The following PDE12 variants were observed in gnomAD, a reference collection of about 807,000 sequenced individuals.
PDE12 encodes the protein 2',5'-phosphodiesterase 12.
In PDE12, 26 loss-of-function variants were observed where a neutral mutation model predicts 45.4. The observed-to-expected ratio is 0.57, with a 90% confidence interval of 0.42 to 0.79. PDE12 has a LOEUF of 0.79. PDE12 is among the 30% of genes least tolerant of loss of function. The pLI is 0.00. For synonymous variants in PDE12, 283 were observed against 323.9 expected (o/e 0.87, Z 1.36); for missense variants, 668 against 790.0 (o/e 0.85, Z 1.85).
the PDE12 span, among the ~76,000 whole-genome samples, chr3:57,572,679 C>T: frequency 6.6e-6 from 1 of 151,434 alleles, no homozygotes; most frequent in African/African-American, 2.4e-5. Flanking sequence ...CCGTCTCAAT[C>T]AATCAAGCTA....
chr3:57,564,410 T>A lies in PDE12; in HGVS notation c.*4406T>A, dbSNP rs557890134. On this transcript the variant is annotated 3_prime_UTR_variant, in exon 3 of 3. Transcript: ENST00000311180. ...TTCACAGAAAACTGAATTATTCATC[T>A]CTATCTTCTGTCCAATTTATGTAAT... is the stretch of plus-strand genomic sequence containing the variant. 1 of 152,238 alleles carries A rather than the reference T, an allele frequency of 6.6e-6. No homozygotes were observed. Among genetic ancestry groups the A allele is most frequent in the Non-Finnish European group, 1.5e-5 (1 of 68,048 alleles). 9.4% of individuals were successfully genotyped at this position (152,238 alleles called of 1,614,324 possible).
the PDE12 span, among the ~76,000 whole-genome samples, chr3:57,611,544 A>T: frequency 6.7e-6 from 1 of 149,936 alleles, no homozygotes; most frequent in Non-Finnish European, 1.5e-5. Context: ...ACAGGAAAAA[A>T]ACAAACAACC....
the PDE12 span, chr3:57,575,719 A>G: frequency 7.1e-6 from 11 of 1,555,596 alleles, no homozygotes; most frequent in East Asian, 1.4e-4. Flanking sequence ...CCGGAATCCA[A>G]TTTTTGAAAA....
chr3:57,589,819 A>G, the PDE12 span, among the ~76,000 whole-genome samples: 1 of 151,334 alleles, frequency 6.6e-6, no homozygotes, highest in Non-Finnish European at 1.5e-5. Flanking sequence ...CCAGCCGGGC[A>G]CGGTGGCTCA....
At chr3:57,633,135 AT>A in the PDE12 span, 1 of 762,404 alleles carries the variant, frequency 1.3e-6, no homozygotes, top group Non-Finnish European at 2.1e-6. Context: ...AAAGGGGTTT[AT>A]TTTTAATCAC....
chr3:57,606,246 G>A, the PDE12 span, among the ~76,000 whole-genome samples: 5 of 152,258 alleles, frequency 3.3e-5, no homozygotes, highest in East Asian at 9.6e-4. Flanking sequence ...CAGAGAAAAA[G>A]AGACTTAGGA....
chr3:57,653,770 G>A, the PDE12 span, among the ~76,000 whole-genome samples: 2 of 147,146 alleles, frequency 1.4e-5, no homozygotes, highest in East Asian at 2.0e-4. Context: ...AAAAGGTAGC[G>A]TGCTCCAAAT....
the PDE12 span, chr3:57,645,633 C>T: frequency 1.3e-6 from 2 of 1,537,970 alleles, no homozygotes; most frequent in Middle Eastern, 1.9e-4. Context: ...AAGGTAATAC[C>T]TGGTCAATAG....
chr3:57,621,531 G>A, the PDE12 span, among the ~76,000 whole-genome samples: 9 of 151,736 alleles, frequency 5.9e-5, no homozygotes, highest in South Asian at 4.2e-4. Flanking sequence ...TTAGCCAGGC[G>A]TGGTGGTGCA....
At chr3:57,577,441 GAAACAGTGT>G in the PDE12 span, 1 of 1,440,216 alleles carries the variant, frequency 6.9e-7, no homozygotes, top group Non-Finnish European at 9.8e-7. Flanking sequence ...CTCTCTATAT[GAAACAGTGT>G]AGGCAGCAAA....
chr3:57,608,117 A>G, the PDE12 span, among the ~76,000 whole-genome samples: 8 of 152,178 alleles, frequency 5.3e-5, no homozygotes, highest in Non-Finnish European at 1.2e-4. Flanking sequence ...TCAACCCAGA[A>G]TTTCATATGC....
chr3:57,608,214 C>A, the PDE12 span, among the ~76,000 whole-genome samples: 360 of 152,218 alleles, frequency 2.4e-3, 1 homozygote, highest in Non-Finnish European at 3.6e-3. Context: ...ACCAGGCCTG[C>A]CCTACAAGAG....
the PDE12 span, chr3:57,584,595 A>G: frequency 9.2e-6 from 7 of 763,904 alleles, no homozygotes; most frequent in Admixed American, 8.1e-5. Context: ...TAGAAATGAA[A>G]TGACCTTATT....
chr3:57,594,194 G>A, the PDE12 span, among the ~76,000 whole-genome samples: 152,036 of 152,328 alleles, frequency 1, 75,873 homozygotes, highest in Non-Finnish European at 1. Flanking sequence ...ATTGCACTCT[G>A]GCCTGGGAGA....
the PDE12 span, chr3:57,625,987 T>C: frequency 5.2e-5 from 8 of 152,660 alleles, no homozygotes; most frequent in Non-Finnish European, 7.3e-5. Context: ...TATTAAAATA[T>C]ACCTTTTTGA....
downstream of PDE12, among the ~76,000 whole-genome samples, chr3:57,566,999 A>G (rs1032066416): frequency 1.3e-5 from 2 of 152,138 alleles, no homozygotes; most frequent in Non-Finnish European, 2.9e-5. Context: ...AACACCAAGT[A>G]CTTACATGCC....
chr3:57,568,068 C>CAAAAAAAAAAAA (rs11360766), downstream of PDE12, among the ~76,000 whole-genome samples: 5 of 47,546 alleles, frequency 1.1e-4, no homozygotes, highest in African/African-American at 5.0e-4. Context: ...GACTCCATCT[C>CAAAAAAAAAAAA]AAAAAAAAAA....
At chr3:57,584,783 CATAA>C in the PDE12 span, among the ~76,000 whole-genome samples, 2 of 147,242 alleles carry the variant, frequency 1.4e-5, no homozygotes, top group African/African-American at 5.0e-5. Context: ...AGAAATTAGC[CATAA>C]ATAAAGGGAC....
the PDE12 span, among the ~76,000 whole-genome samples, chr3:57,623,961 AAAC>A: frequency 6.6e-6 from 1 of 152,164 alleles, no homozygotes; most frequent in Non-Finnish European, 1.5e-5. Context: ...CATGATTATC[AAAC>A]AACAAAATCT....
Sources: gnomAD v4.1 joint callset for allele counts (sites outside exome capture counted in the v4.1 genomes callset) on GRCh38, gnomAD v4.1.1 for gene constraint, MANE v1.5 for transcripts, NCBI Gene and HGNC (gene_info 2026-07-23, HGNC 2026-07-21) for gene names.